The following CCNY variants were observed in gnomAD, a reference collection of about 807,000 sequenced individuals.
The protein encoded by CCNY is cyclin-Y.
Under a neutral mutation model 42.8 loss-of-function variants are expected in CCNY, and 19 were observed. The ratio of observed to expected loss-of-function variants is 0.44; its 90% CI spans 0.31 to 0.65. CCNY has a LOEUF of 0.65. CCNY is among the 30% of genes least tolerant of loss of function. The pLI is 0.07. For missense variants in CCNY, 370 were observed against 437.3 expected, an observed-to-expected ratio of 0.85 and a Z score of 1.37; for synonymous variants, 165 against 162.7, an observed-to-expected ratio of 1.01 and a Z score of -0.11.
At chr10:35,310,046 C>T (rs1056918113) in intron 3 of CCNY, among the ~76,000 whole-genome samples, 3 of 151,722 alleles carry the variant, frequency 2.0e-5, no homozygotes, top group African/African-American at 7.3e-5. Flanking sequence ...CTGATCCGCC[C>T]GCCTCAGCCT....
intron 3 of CCNY, among the ~76,000 whole-genome samples, chr10:35,331,144 T>C (rs933131952): frequency 2.6e-5 from 4 of 152,240 alleles, no homozygotes; most frequent in Admixed American, 2.6e-4. Flanking sequence ...GCTGTCATCT[T>C]TGAGCTGGGC....
chr10:35,314,508 T>G (rs1835729595), intron 3 of CCNY: 1 of 152,072 alleles, frequency 6.6e-6, no homozygotes, highest in African/African-American at 2.4e-5. Flanking sequence ...TAATTCAAGA[T>G]GAGATTTGGG....
intron 3 of CCNY, among the ~76,000 whole-genome samples, chr10:35,272,055 C>T (rs961324659): frequency 1.1e-4 from 17 of 152,264 alleles, no homozygotes; most frequent in African/African-American, 3.4e-4. Flanking sequence ...GGAGCGATCT[C>T]GGCTTACTGC....
At chr10:35,493,148 T>C (rs960354207) in intron 2 of CCNY, among the ~76,000 whole-genome samples, 1 of 152,204 alleles carries the variant, frequency 6.6e-6, no homozygotes, top group African/African-American at 2.4e-5. Context: ...GCTGCTGATA[T>C]AGTACAAACT....
intron 3 of CCNY, among the ~76,000 whole-genome samples, chr10:35,259,495 G>T (rs1301091258): frequency 3.8e-4 from 25 of 65,160 alleles, no homozygotes; most frequent in South Asian, 6.2e-4. Context: ...AGTCCTGGTT[G>T]TTTTTTTTTT....
chr10:35,390,450 G>A (rs1017825502), intron 1 of CCNY, among the ~76,000 whole-genome samples: 1 of 152,186 alleles, frequency 6.6e-6, no homozygotes, highest in African/African-American at 2.4e-5. Context: ...TTATATCAAA[G>A]CTAGCCCTAA....
rs1327707675 is a variant in CCNY at position 35,297,341 on chromosome 10, G to A, written c.-9+46715G>A. On this transcript the variant is annotated intron_variant, in intron 3 of 11. Transcript: ENST00000374706. Reference sequence around the variant, plus strand: ...AAAAACTCTCAATAAACAAGGCATTGAAGGAATATACGTCAAAATAATAAG... The same window carrying A: ...AAAAACTCTCAATAAACAAGGCATTAAAGGAATATACGTCAAAATAATAAG... 3.3e-5 allele frequency among the ~76,000 whole-genome samples: 5 copies of A among 152,074 alleles called. 1 individual carries two copies. Among genetic ancestry groups the A allele is most frequent in the Admixed American group, 3.3e-4 (5 of 15,246 alleles).
At position 35,337,090 on chromosome 10, in the gene CCNY, C is replaced by G; in HGVS notation, c.37C>G (p.Pro13Ala). Residue 13 changes from proline to alanine, a missense_variant, in exon 1 of 10, where the codon CCC becomes GCC. Coordinates refer to ENST00000374704, the MANE Select transcript of CCNY (RefSeq NM_145012.6). ...TACCTCGTGCTGCGTGTCGTCCAGT[C>G]CCAAGCTCCGGAGGAATGCCCACTC... The part of the protein sequence containing the change: ...NTTSCCVSSS[P>A]KLRRNAHSRL... The G allele has an allele frequency of 6.3e-7, 1 of 1,596,008 alleles. No homozygotes were observed. Among genetic ancestry groups the G allele is most frequent in the Non-Finnish European group, 8.5e-7 (1 of 1,173,134 alleles).
intron 2 of CCNY, among the ~76,000 whole-genome samples, chr10:35,488,968 T>C (rs1839842037): frequency 6.6e-6 from 1 of 152,204 alleles, no homozygotes; most frequent in Non-Finnish European, 1.5e-5. Context: ...TATCACACTA[T>C]CATATTCTTT....
intron 2 of CCNY, among the ~76,000 whole-genome samples, chr10:35,485,342 CTTCTGTT>C (rs1839760939): frequency 6.6e-6 from 1 of 152,186 alleles, no homozygotes; most frequent in Non-Finnish European, 1.5e-5. Context: ...ACTTTTTGGC[CTTCTGTT>C]TTCAGATGGG....
At chr10:35,282,893 C>T (rs931905305) in intron 3 of CCNY, among the ~76,000 whole-genome samples, 2 of 152,062 alleles carry the variant, frequency 1.3e-5, no homozygotes, top group Non-Finnish European at 2.9e-5. Flanking sequence ...CAAAGAGATA[C>T]ATCTTACGGT....
intron 3 of CCNY, 198 bp downstream of exon 3, chr10:35,501,733 A>G (rs1468922238): frequency 7.4e-6 from 4 of 538,626 alleles, no homozygotes; most frequent in Admixed American, 6.1e-5. Context: ...ATATTTTTCC[A>G]GAAGCCCTAG....
Position 35,571,847 on chromosome 10 carries a change from A to G in CCNY, c.*2677A>G, listed in dbSNP as rs1294600935. On this transcript the variant is annotated 3_prime_UTR_variant, in exon 10 of 10. Coordinates refer to ENST00000374704, the MANE Select transcript of CCNY (RefSeq NM_145012.6). ...TGGAAAGTTTTTGTCATTAAGGATG[A>G]AGGAAACGACACAATTTGTTACTTT... 1 of 152,372 alleles carries G rather than the reference A, an allele frequency of 6.6e-6. No homozygotes were observed. Among genetic ancestry groups the G allele is most frequent in the Non-Finnish European group, 1.5e-5 (1 of 68,040 alleles). 9.4% of individuals were successfully genotyped at this position (152,372 alleles called of 1,614,324 possible).
chr10:35,250,060 G>A (rs541003332), intron 2 of CCNY, among the ~76,000 whole-genome samples: 7 of 152,238 alleles, frequency 4.6e-5, no homozygotes, highest in Admixed American at 1.3e-4. Flanking sequence ...TGGGCATGGT[G>A]GCGGGTGCCT....
intron 1 of CCNY, among the ~76,000 whole-genome samples, chr10:35,464,181 C>G (rs1327044095): frequency 1.3e-5 from 2 of 152,206 alleles, no homozygotes; most frequent in Non-Finnish European, 2.9e-5. Context: ...TTCCAGCTCC[C>G]TCCTCTGTGC....
chr10:35,551,478 G>T lies in CCNY; in HGVS notation c.580-1541G>T, dbSNP rs192988124. ...ACTGTGAATAATTATAACATTAATGGGTTTTATCTGCAAGTTCTTAAAAAT... is the reference window on the plus strand; with the variant it reads ...ACTGTGAATAATTATAACATTAATGTGTTTTATCTGCAAGTTCTTAAAAAT... On this transcript the variant is annotated intron_variant, in intron 7 of 9. Transcript: ENST00000374704. Among the ~76,000 whole-genome samples, 61 of 151,954 alleles carry T rather than the reference G, an allele frequency of 4.0e-4. 1 individual carries two copies. Among genetic ancestry groups the T allele is most frequent in the Non-Finnish European group, 7.9e-4 (54 of 67,978 alleles).
In CCNY at chr10:35,336,682, G is replaced by GACACCAACTGGGGAAGCGC. The variant is rs1836038701; in HGVS notation, c.-371_-353dup. Among the ~76,000 whole-genome samples the GACACCAACTGGGGAAGCGC allele has an allele frequency of 6.8e-6, 1 of 147,496 alleles. No homozygotes were observed. The highest frequency in any genetic ancestry group is 2.4e-5 in the African/African-American group (1 of 40,922). On this transcript the variant is annotated 5_prime_UTR_variant, in exon 1 of 10. Transcript: ENST00000374704. ...CGTCGCCGCAGCCGCCGGGGAAGCG[G>GACACCAACTGGGGAAGCGC]ACACCAACTGGGGAAGCGCGGGGGG... is the stretch of plus-strand genomic sequence containing the variant.
chr10:35,504,992 G>T (rs1381458489), intron 3 of CCNY, among the ~76,000 whole-genome samples: 1 of 151,318 alleles, frequency 6.6e-6, no homozygotes, highest in East Asian at 1.9e-4. Context: ...TGTGTAAAGG[G>T]ATTTATGTAA....
intron 1 of CCNY, among the ~76,000 whole-genome samples, chr10:35,358,270 A>G (rs1836605453): frequency 1.3e-5 from 2 of 150,646 alleles, no homozygotes; most frequent in Non-Finnish European, 2.9e-5. Context: ...TGTGAAATCT[A>G]AGAGGAGCAG....
Sources: allele counts gnomAD v4.1 joint callset (sites outside exome capture counted in the v4.1 genomes callset), GRCh38; gene constraint gnomAD v4.1.1; transcripts MANE v1.5; gene names NCBI Gene and HGNC (gene_info 2026-07-23, HGNC 2026-07-21).